SYT14: variants seen among roughly 807,000 people sequenced by gnomAD.
SYT14 encodes the protein synaptotagmin 14.
A neutral mutation model predicts 74.2 loss-of-function variants in SYT14; 32 were observed. That is an observed-to-expected ratio of 0.43 (90% confidence interval 0.33 to 0.58). The LOEUF is 0.58. Among genes scored for constraint, SYT14 ranks in the 20% least tolerant of loss-of-function variants. SYT14 has a pLI of 0.05. For synonymous variants in SYT14, 298 were observed against 337.7 expected (o/e 0.88, Z 1.29); for missense variants, 791 against 981.8 (o/e 0.81, Z 2.60).
chr1:209,952,970 T>C, intron 2 of SYT14: 1 of 1,317,904 alleles, frequency 7.6e-7, no homozygotes, highest in Non-Finnish European at 1.0e-6. Flanking sequence ...TTTGATGGGC[T>C]AATAAAGCCT....
At chr1:209,961,240 T>A (rs1232900903) in intron 2 of SYT14, among the ~76,000 whole-genome samples, 1 of 152,144 alleles carries the variant, frequency 6.6e-6, no homozygotes, top group Non-Finnish European at 1.5e-5. Flanking sequence ...TAGGTGACAA[T>A]TTTTCATGTA....
intron 5 of SYT14, among the ~76,000 whole-genome samples, chr1:210,048,652 C>T (rs958212785): frequency 1.3e-5 from 2 of 152,124 alleles, no homozygotes; most frequent in African/African-American, 2.4e-5. Context: ...AGCCAAACCA[C>T]GTCATTTCGC....
chr1:210,124,333 GA>G lies in SYT14; in HGVS notation c.2034+23873del, dbSNP rs558922881. Among the ~76,000 whole-genome samples, 257 of 152,162 alleles carry G rather than the reference GA, an allele frequency of 1.7e-3. 1 individual carries two copies. The highest frequency in any genetic ancestry group is 5.4e-3 in the African/African-American group (226 of 41,512). On this transcript the variant is annotated intron_variant, in intron 7 of 9. Coordinates refer to ENST00000637265, the Ensembl canonical transcript of SYT14. ...GATGGAAAGATTTAAAAAAGGATTAGAGATTAGACAATCCAGGAGGATTTAA... is the reference window on the plus strand; with the variant it reads ...GATGGAAAGATTTAAAAAAGGATTAGGATTAGACAATCCAGGAGGATTTAA...
intron 7 of SYT14, among the ~76,000 whole-genome samples, chr1:210,101,245 T>G (rs1278982755): frequency 6.6e-6 from 1 of 152,296 alleles, no homozygotes; most frequent in Non-Finnish European, 1.5e-5. Flanking sequence ...GCTGTAAGTG[T>G]GCATTATGGT....
intron 7 of SYT14, among the ~76,000 whole-genome samples, chr1:210,134,619 T>G (rs988245645): frequency 6.6e-6 from 1 of 152,174 alleles, no homozygotes; most frequent in Non-Finnish European, 1.5e-5. Flanking sequence ...AGCTTCATAC[T>G]TTTGTCCTTA....
At chr1:209,943,508 CAAAAAAAAAAA>C (rs58806792) in intron 1 of SYT14, among the ~76,000 whole-genome samples, 37 of 59,334 alleles carry the variant, frequency 6.2e-4, no homozygotes, top group African/African-American at 1.9e-3. Context: ...GATTCAATCT[CAAAAAAAAAAA>C]AAAAAAAAAA....
chr1:210,096,318 CT>C (rs1344575180), intron 6 of SYT14, among the ~76,000 whole-genome samples: 13 of 152,264 alleles, frequency 8.5e-5, no homozygotes, highest in Non-Finnish European at 1.5e-5. Context: ...ACCAGGCAAA[CT>C]CTCTCAGAGG....
At chr1:209,972,565 T>G (rs1358737529) in intron 2 of SYT14, among the ~76,000 whole-genome samples, 1 of 152,146 alleles carries the variant, frequency 6.6e-6, no homozygotes, top group Non-Finnish European at 1.5e-5. Context: ...TCATTTATTT[T>G]AAAGATTTTT....
At chr1:209,997,787 A>AC (rs946371968) in intron 2 of SYT14, among the ~76,000 whole-genome samples, 1 of 152,040 alleles carries the variant, frequency 6.6e-6, no homozygotes, top group East Asian at 1.9e-4. Flanking sequence ...CTGTATATGT[A>AC]CCCCCCTGTA....
At chr1:209,972,603 A>G (rs1466219244) in intron 2 of SYT14, among the ~76,000 whole-genome samples, 1 of 151,926 alleles carries the variant, frequency 6.6e-6, no homozygotes, top group African/African-American at 2.4e-5. Context: ...TTTATTGTTT[A>G]CCCCAAAGTC....
chr1:210,075,363 A>G (rs1294171612), intron 5 of SYT14, among the ~76,000 whole-genome samples: 7 of 123,582 alleles, frequency 5.7e-5, no homozygotes, highest in African/African-American at 2.4e-4. Flanking sequence ...TTTTTTTGAG[A>G]CAGAGTCTCC....
At chr1:210,042,515 C>G (rs914158246) in intron 5 of SYT14, among the ~76,000 whole-genome samples, 1 of 152,132 alleles carries the variant, frequency 6.6e-6, no homozygotes, top group African/African-American at 2.4e-5. Flanking sequence ...AATCTTTAAT[C>G]CATCTTGAGT....
intron 7 of SYT14, among the ~76,000 whole-genome samples, chr1:210,121,012 A>G (rs1319165199): frequency 1.3e-5 from 2 of 152,232 alleles, no homozygotes; most frequent in Non-Finnish European, 2.9e-5. Context: ...GGGTTGGTAT[A>G]AAGTTGGGAG....
chr1:209,964,205 G>A (rs928189967), intron 2 of SYT14, among the ~76,000 whole-genome samples: 11 of 152,036 alleles, frequency 7.2e-5, no homozygotes, highest in South Asian at 2.1e-4. Flanking sequence ...ATAAGAGTTC[G>A]GCAGTTCCTC....
intron 7 of SYT14, among the ~76,000 whole-genome samples, chr1:210,112,988 A>G (rs1363650685): frequency 6.6e-6 from 1 of 151,468 alleles, no homozygotes; most frequent in East Asian, 1.9e-4. Flanking sequence ...TGAGAACTGT[A>G]GAGAGTGAGT....
In SYT14 at chr1:210,034,869, C is replaced by T. The variant is rs1236253602; in HGVS notation, c.1312+13615C>T. Among the ~76,000 whole-genome samples the T allele has an allele frequency of 2.0e-5, 3 of 151,938 alleles. No homozygotes were observed. In the South Asian group the frequency reaches 6.2e-4, roughly 32 times the overall value. ...GTAAACCACATTTTCTTTATTCAATCCTCTGTTGATGAACACTTAGGTTGA... is the reference window on the plus strand; with the variant it reads ...GTAAACCACATTTTCTTTATTCAATTCTCTGTTGATGAACACTTAGGTTGA... On this transcript the variant is annotated intron_variant, in intron 5 of 9. Coordinates refer to ENST00000637265, the Ensembl canonical transcript of SYT14.
At chr1:210,085,641 A>G (rs925756500) in intron 5 of SYT14, among the ~76,000 whole-genome samples, 4 of 152,138 alleles carry the variant, frequency 2.6e-5, no homozygotes, top group African/African-American at 9.7e-5. Context: ...ATTACTTTTT[A>G]TATTTGTTCT....
chr1:210,132,093 A>G (rs1159495706), intron 7 of SYT14, among the ~76,000 whole-genome samples: 1 of 151,980 alleles, frequency 6.6e-6, no homozygotes, highest in African/African-American at 2.4e-5. Flanking sequence ...CTCACCCTGC[A>G]GAAGGTTCTG....
chr1:210,032,714 A>G (rs117171115), intron 5 of SYT14, among the ~76,000 whole-genome samples: 1 of 143,046 alleles, frequency 7.0e-6, no homozygotes, highest in East Asian at 2.0e-4. Context: ...ACAAATAAAT[A>G]CTGTAGCAGA....
Sources: allele counts gnomAD v4.1 joint callset (sites outside exome capture counted in the v4.1 genomes callset), GRCh38; gene constraint gnomAD v4.1.1; transcripts MANE v1.5; gene names NCBI Gene and HGNC (gene_info 2026-07-23, HGNC 2026-07-21).